BBS7: variants seen among roughly 807,000 people sequenced by gnomAD.
BBS7 encodes the protein Bardet-Biedl syndrome 7.
A neutral mutation model predicts 90.3 loss-of-function variants in BBS7; 50 were observed. The observed-to-expected ratio is 0.55, with a 90% CI of 0.44 to 0.70. BBS7 has a LOEUF of 0.70. BBS7 is among the 30% of genes least tolerant of loss of function. BBS7 has a pLI of 0.00. For synonymous variants in BBS7, 235 were observed against 287.4 expected, an observed-to-expected ratio of 0.82 and a Z score of 1.85; for missense variants, 729 against 838.9, an observed-to-expected ratio of 0.87 and a Z score of 1.62.
chr4:121,859,393 C>T (rs1479337619), intron 4 of BBS7, among the ~76,000 whole-genome samples: 4 of 151,964 alleles, frequency 2.6e-5, no homozygotes, highest in African/African-American at 9.7e-5. Flanking sequence ...AGGCCTCGGG[C>T]TTCTCAATAA....
At chr4:121,838,903 CAAA>C (rs35360596) in intron 13 of BBS7, among the ~76,000 whole-genome samples, 6 of 103,728 alleles carry the variant, frequency 5.8e-5, no homozygotes, top group Admixed American at 9.1e-5. Context: ...GACTCCATCT[CAAA>C]AAAAAAAAAA....
Position 121,828,663 on chromosome 4 carries a change from G to C in BBS7, c.1742C>G (p.Ser581Cys). The C allele has an allele frequency of 6.2e-7, 1 of 1,610,456 alleles. No homozygotes were observed. The highest frequency in any genetic ancestry group is 8.5e-7 in the Non-Finnish European group (1 of 1,177,364). The change falls in exon 16 of 19, where the codon TCT (serine) becomes TGT (cysteine). Residue 581 changes from serine to cysteine, a missense_variant. Coordinates refer to ENST00000264499, the MANE Select transcript of BBS7 (RefSeq NM_176824.3). ...AATTTTCCTTTTTGTAGCTTCTTTAGAAAGCACATCTTTTAGGATGGAGAT... is the reference window on the plus strand; with the variant it reads ...AATTTTCCTTTTTGTAGCTTCTTTACAAAGCACATCTTTTAGGATGGAGAT... Reference protein sequence around the residue: ...STISILKDVLSKEATKRKINL... With the variant: ...STISILKDVLCKEATKRKINL...
At chr4:121,848,683 G>A (rs1726141542) in intron 9 of BBS7, among the ~76,000 whole-genome samples, 161 bp downstream of exon 9, 1 of 152,170 alleles carries the variant, frequency 6.6e-6, no homozygotes, top group African/African-American at 2.4e-5. Flanking sequence ...AGCACTATTT[G>A]AGGTTTGAGG....
chr4:121,828,336 T>A, intron 17 of BBS7, 66 bp downstream of exon 17: 1 of 1,592,742 alleles, frequency 6.3e-7, no homozygotes, highest in Non-Finnish European at 8.6e-7. Flanking sequence ...GTTAAAGTAT[T>A]GATAATTTTA....
chr4:121,841,369 C>T (rs982952870), intron 12 of BBS7, among the ~76,000 whole-genome samples: 1 of 151,556 alleles, frequency 6.6e-6, no homozygotes, highest in Non-Finnish European at 1.5e-5. Context: ...CCAGCCTGGG[C>T]AACAAAGTGA....
rs560580066 is a variant in BBS7 at position 121,848,734 on chromosome 4, G to A, written c.934+110C>T. 6.0e-6 allele frequency: 5 copies of A among 837,102 alleles called. No homozygotes were observed. In the Admixed American group the frequency reaches 8.1e-5, roughly 14 times the overall value. The allele number at this position is 837,102 out of a possible 1,614,324, so 51.9% of individuals were successfully genotyped here. A position where few individuals can be genotyped will look rare whatever the true frequency, so the allele number is the denominator to read the frequency against. On this transcript the variant is annotated intron_variant, in intron 9 of 18. Transcript: ENST00000264499. Reference sequence around the variant, plus strand: ...TTGGAATGGATTCCCCATGAATAAGGGGGGACTACTATAACTGTTTTTTAA... The same window carrying A: ...TTGGAATGGATTCCCCATGAATAAGAGGGGACTACTATAACTGTTTTTTAA...
rs1401562163 is a variant in BBS7, at chr4:121,854,836, G to C, written c.602-16C>G. 1.2e-6 allele frequency: 2 copies of C among 1,603,206 alleles called. No homozygotes were observed. The highest frequency in any genetic ancestry group is 2.2e-5 in the South Asian group (2 of 90,386). On this transcript the variant is annotated splice_polypyrimidine_tract_variant and intron_variant, in intron 6 of 18. Coordinates refer to ENST00000264499, the MANE Select transcript of BBS7 (RefSeq NM_176824.3). Reference sequence around the variant, plus strand: ...CCAGAGTCACCTACTTATAATTAAAGTCAACATATTATATTTATCCTACAA... The same window carrying C: ...CCAGAGTCACCTACTTATAATTAAACTCAACATATTATATTTATCCTACAA...
chr4:121,843,787 C>T (rs1477497925), intron 12 of BBS7, 140 bp downstream of exon 12: 34 of 657,638 alleles, frequency 5.2e-5, no homozygotes, highest in Non-Finnish European at 7.7e-5. Flanking sequence ...GAAAGAGAAC[C>T]GACACAGATT....
At position 121,861,302 on chromosome 4, in the gene BBS7, A is replaced by C. The variant is rs192870536; in HGVS notation, c.341+202T>G. The C allele has an allele frequency of 4.6e-4, 223 of 488,554 alleles. 4 individuals carry two copies. The highest frequency in any genetic ancestry group is 4.3e-3 in the South Asian group (140 of 32,470). The allele number at this position is 488,554 out of a possible 1,614,324, so 30.3% of individuals were successfully genotyped here. ...CCAAGTTGTCAAAAATGATTGTATA[A>C]ATACTATAAAGTTCTTTAAAAAAAT... is the stretch of plus-strand genomic sequence containing the variant. On this transcript the variant is annotated intron_variant, in intron 4 of 18. Coordinates refer to ENST00000264499, the MANE Select transcript of BBS7 (RefSeq NM_176824.3).
chr4:121,833,307 T>A lies in BBS7; in HGVS notation c.1600A>T (p.Lys534Ter). The part of the protein sequence containing the change: ...VVFCLPEVPE[K>*]PPAGECVTFY... ...GTCACACATTCTCCTGCTGGAGGTT[T>A]TTCTGGAACTTCAGGCAGACAAAAA... Residue 534 changes from lysine (K) to a stop codon, truncating the protein, a stop_gained, in exon 15 of 19, where the codon AAA becomes TAA. Transcript: ENST00000264499. LOFTEE classifies it high-confidence loss of function. The A allele has an allele frequency of 6.2e-7, 1 of 1,614,032 alleles. No homozygotes were observed. Among genetic ancestry groups the A allele is most frequent in the Non-Finnish European group, 8.5e-7 (1 of 1,179,946 alleles).
At position 121,845,561 on chromosome 4, in the gene BBS7, A is replaced by T. The variant is rs1357945398; in HGVS notation, c.1173T>A (p.Asp391Glu). 6 of 1,612,984 alleles carry T rather than the reference A, an allele frequency of 3.7e-6. No individual in the cohort carries two copies. The African/African-American group carries it at 8.0e-5, about 22-fold the overall frequency. ...INDKFTLNKD[D>E]ASYSLILEVQ... ...CCTCTAAGATAAGGCTGTAACTGGC[A>T]TCATCTTTATTTAGTGTAAATTTAT... Residue 391 changes from aspartate (D) to glutamate (E), a missense_variant, in exon 11 of 19, where the codon GAT (aspartate) becomes GAA (glutamate). Transcript: ENST00000264499.
rs562130700 is a variant in BBS7, at chr4:121,827,947, G to T, written c.2014+199C>A. ...TATACTTGCATTTTATCAAGTAAAA[G>T]AATTAAATATTAAAAGTAGCTTGAC... On this transcript the variant is annotated intron_variant, in intron 18 of 18. Coordinates refer to ENST00000264499, the MANE Select transcript of BBS7 (RefSeq NM_176824.3). 151 of 1,371,782 alleles carry T rather than the reference G, an allele frequency of 1.1e-4. 1 individual carries two copies. In the African/African-American group the frequency reaches 1.7e-3, roughly 15 times the overall value. 85.0% of individuals were successfully genotyped at this position (1,371,782 alleles called of 1,614,324 possible).
chr4:121,865,195 G>T (rs1320312786), intron 2 of BBS7, among the ~76,000 whole-genome samples: 1 of 151,010 alleles, frequency 6.6e-6, no homozygotes, highest in Non-Finnish European at 1.5e-5. Flanking sequence ...ATGTCCTCCA[G>T]TTCCATCCAT....
intron 1 of BBS7, among the ~76,000 whole-genome samples, chr4:121,869,775 G>A: frequency 6.6e-6 from 1 of 152,176 alleles, no homozygotes; most frequent in East Asian, 1.9e-4. Context: ...CTGACCTTAG[G>A]TGATCCGCCC....
chr4:121,866,140 T>G (rs1030154494), intron 2 of BBS7, among the ~76,000 whole-genome samples: 4 of 152,310 alleles, frequency 2.6e-5, no homozygotes, highest in Admixed American at 1.3e-4. Flanking sequence ...ATGAGTAGTT[T>G]GCAAATATTT....
At position 121,828,704 on chromosome 4, in the gene BBS7, A is replaced by G. The variant is rs755746935; in HGVS notation, c.1701T>C (p.Ser567=). 6.9e-6 allele frequency: 11 copies of G among 1,601,558 alleles called. No homozygotes were observed. The highest frequency in any genetic ancestry group is 5.1e-6 in the Non-Finnish European group (6 of 1,172,948). Residue 567 remains serine (S), a synonymous_variant, in exon 16 of 19, where the codon TCT becomes TCC. Transcript: ENST00000264499. ...TYRKGEGVFK[S]DNISTISILK... ...GGATGGAGATAGTAGAAATGTTGTC[A>G]GATTTAAAAACTCCCTCTCCTTTTC... is the stretch of plus-strand genomic sequence containing the variant.
intron 12 of BBS7, among the ~76,000 whole-genome samples, chr4:121,842,880 G>A (rs1725815552): frequency 6.6e-6 from 1 of 152,130 alleles, no homozygotes; most frequent in Non-Finnish European, 1.5e-5. Flanking sequence ...AGAAAGAAGT[G>A]ATACAGTAAG....
At chr4:121,857,785 C>T in intron 5 of BBS7, among the ~76,000 whole-genome samples, 1 of 149,500 alleles carries the variant, frequency 6.7e-6, no homozygotes. Context: ...ATTCATAACT[C>T]TAAAATGAAC....
At chr4:121,862,910 A>C (rs1007504446) in intron 3 of BBS7, among the ~76,000 whole-genome samples, 74 of 152,212 alleles carry the variant, frequency 4.9e-4, no homozygotes, top group African/African-American at 1.7e-3. Context: ...TGAAACCTTG[A>C]GCACAAACTC....
Sources: gnomAD v4.1 joint callset for allele counts (sites outside exome capture counted in the v4.1 genomes callset) on GRCh38, gnomAD v4.1.1 for gene constraint, MANE v1.5 for transcripts, NCBI Gene and HGNC (gene_info 2026-07-23, HGNC 2026-07-21) for gene names.